The following HR variants were observed in gnomAD, a reference collection of about 807,000 sequenced individuals.
HR encodes HR lysine demethylase and nuclear receptor corepressor.
Under a neutral mutation model 128.6 loss-of-function variants are expected in HR, and 83 were observed. The observed-to-expected ratio is 0.65, with a 90% CI of 0.54 to 0.77. HR has a LOEUF of 0.77. Among genes scored for constraint, HR ranks in the 30% least tolerant of loss-of-function variants. The pLI is 0.00. For synonymous variants in HR, 681 were observed against 658.2 expected, an observed-to-expected ratio of 1.03 and a Z score of -0.53; for missense variants, 1,490 against 1,574.6, an observed-to-expected ratio of 0.95 and a Z score of 0.91.
In HR at chr8:22,130,464, CGG is replaced by C. The variant is rs1827021653; in HGVS notation, c.-79_-78del. On this transcript the variant is annotated 5_prime_UTR_variant, in exon 1 of 19. It removes the in-frame stop codon of an upstream open reading frame in the 5' UTR. Transcript: ENST00000381418. ...CGGCCGGTCGCGGCGCGGGCGGTGG[CGG>C]TCGTCGTGGCCGGCACCGGGCGCCT... 6.6e-6 allele frequency: 1 copy of C among 152,208 alleles called. No individual in the cohort carries two copies. 9.4% of individuals were successfully genotyped at this position (152,208 alleles called of 1,614,324 possible).
Position 22,123,684 on chromosome 8 carries a change from C to G in HR, c.1880G>C (p.Arg627Pro), listed in dbSNP as rs555198344. 2.6e-6 allele frequency: 4 copies of G among 1,549,514 alleles called. No individual in the cohort carries two copies. The highest frequency in any genetic ancestry group is 3.5e-6 in the Non-Finnish European group (4 of 1,154,124). ...CSHRLCVACG[R>P]VAGTGRAREK... is the part of the protein sequence containing the mutation. ...CCTGGCCCGCCCAGTGCCTGCCACA[C>G]GACCACAGGCCACACACAGCCGGTG... Residue 627 changes from arginine (R) to proline (P), a missense_variant, in exon 6 of 19, where the codon CGT (arginine) becomes CCT (proline). Coordinates refer to ENST00000381418, the MANE Select transcript of HR (RefSeq NM_005144.5).
chr8:22,123,617 T>TTGGGGGGGGCCCC, intron 6 of HR, 32 bp downstream of exon 6: 3 of 292,092 alleles, frequency 1.0e-5, no homozygotes, highest in Non-Finnish European at 1.9e-5. Context: ...GAGGGCTCCA[T>TTGGGGGGGGCCCC]CCCGCCCTCC....
intron 3 of HR, 120 bp from the exon 4 acceptor site, chr8:22,125,852 T>G (rs1240452634): frequency 2.6e-6 from 3 of 1,169,164 alleles, no homozygotes; most frequent in Non-Finnish European, 3.6e-6. Context: ...GCCCCAGGTC[T>G]CTGAAGCCTA....
At position 22,115,271 on chromosome 8, in the gene HR, T is replaced by G. The variant is rs1317345959; in HGVS notation, c.*429A>C. ...TTCAGCATGCCTGCAGTGAGCCCAG[T>G]GAGGATGCGGTGGTAGAAACGGAGC... On this transcript the variant is annotated 3_prime_UTR_variant, in exon 19 of 19. Transcript: ENST00000381418. 1.2e-4 allele frequency: 35 copies of G among 287,866 alleles called. No individual in the cohort carries two copies. In the Admixed American group the frequency reaches 1.5e-3, roughly 12 times the overall value. 17.8% of individuals were successfully genotyped at this position (287,866 alleles called of 1,614,324 possible). A position where few individuals can be genotyped will look rare whatever the true frequency, so the allele number is the denominator to read the frequency against.
At chr8:22,123,617 T>TGGGGGGCCCCCCCCCCC in intron 6 of HR, 32 bp downstream of exon 6, 2 of 292,092 alleles carry the variant, frequency 6.8e-6, no homozygotes, top group Non-Finnish European at 1.2e-5. Context: ...GAGGGCTCCA[T>TGGGGGGCCCCCCCCCCC]CCCGCCCTCC....
At chr8:22,121,387 C>T (rs899830500) in intron 9 of HR, among the ~76,000 whole-genome samples, 159 bp from the exon 10 acceptor site, 1 of 152,166 alleles carries the variant, frequency 6.6e-6, no homozygotes, top group African/African-American at 2.4e-5. Flanking sequence ...CCCCGCTCTA[C>T]TGCTTTTCCT....
intron 1 of HR, among the ~76,000 whole-genome samples, chr8:22,129,965 A>G (rs1827007563): frequency 6.6e-6 from 1 of 152,152 alleles, no homozygotes; most frequent in South Asian, 2.1e-4. Flanking sequence ...GGGATTAAGA[A>G]GCCTCAGCTG....
intron 18 of HR, 126 bp from the exon 19 acceptor site, chr8:22,115,888 T>C (rs1018388129): frequency 1.8e-5 from 17 of 934,250 alleles, no homozygotes; most frequent in Non-Finnish European, 2.9e-5. Context: ...CCCAGCACTT[T>C]GGGAGGCCAA....
At position 22,129,062 on chromosome 8, in the gene HR, G is replaced by T; in HGVS notation, c.109C>A (p.His37Asn). Residue 37 changes from histidine (H) to asparagine (N), a missense_variant, in exon 2 of 19, where the codon CAC becomes AAC. His to Asn is a moderately conservative substitution (Grantham distance 68). Around this residue, in one of 3 missense-constraint regions of HR, gnomAD observed 1,060 missense variants for 1,060.9 expected, o/e 1.00. Coordinates refer to ENST00000381418, the MANE Select transcript of HR (RefSeq NM_005144.5). Reference sequence around the variant, plus strand: ...TCTCCCAGGCACAGCGGCCCATGGTGCAGTCCATCTCGAGGCGGGCTGCCG... The same window carrying T: ...TCTCCCAGGCACAGCGGCCCATGGTTCAGTCCATCTCGAGGCGGGCTGCCG... ...EPGSPPRDGL[H>N]HGPLCLGEPA... 1 of 1,590,636 alleles carries T rather than the reference G, an allele frequency of 6.3e-7. No homozygotes were observed. Among genetic ancestry groups the T allele is most frequent in the Non-Finnish European group, 8.6e-7 (1 of 1,168,056 alleles).
In HR at chr8:22,127,689, C is replaced by G; in HGVS notation, c.753G>C (p.Arg251Ser). ...GCCGGCCAGCTCCCATCTCTCCATC[C>G]CTCTGGTGCAGTGAAGGGCGTTCGG... ...GEAERPSLHQ[R>S]DGEMGAGRQQ... The change falls in exon 3 of 19, where the codon AGG becomes AGC. Residue 251 changes from arginine (R) to serine (S), a missense_variant. By Grantham distance (110) the Arg-to-Ser change is moderately radical. Around this residue, in one of 3 missense-constraint regions of HR, gnomAD observed 1,060 missense variants for 1,060.9 expected, o/e 1.00. Transcript: ENST00000381418. The G allele has an allele frequency of 6.2e-7, 1 of 1,609,964 alleles. No individual in the cohort carries two copies. Among genetic ancestry groups the G allele is most frequent in the Non-Finnish European group, 8.5e-7 (1 of 1,179,864 alleles).
Position 22,121,085 on chromosome 8 carries a change from CG to C in HR, c.2346del (p.Val783SerfsTer119). 1 of 1,613,706 alleles carries C rather than the reference CG, an allele frequency of 6.2e-7. No individual in the cohort carries two copies. The highest frequency in any genetic ancestry group is 8.5e-7 in the Non-Finnish European group (1 of 1,180,040). On this transcript the variant is annotated frameshift_variant, in exon 10 of 19. Transcript: ENST00000381418. LOFTEE classifies it high-confidence loss of function. ...GHERIHMAFA[P>X]VTPALPSDDR... ...CTCACACTGGGCAGGGCCGGAGTGA[CG>C]GGGGCGAAGGCCATGTGTATTCGCT...
Position 22,127,621 on chromosome 8 carries a change from A to G in HR, c.821T>C (p.Val274Ala). 1.2e-6 allele frequency: 2 copies of G among 1,610,778 alleles called. No homozygotes were observed. The highest frequency in any genetic ancestry group is 1.7e-6 in the Non-Finnish European group (2 of 1,179,344). The stretch of plus-strand genomic sequence containing the variant: ...ACAAGCGGGCCAGGAGGTCCAGGGC[A>G]CAGTGTCTGGCTGCCCCAGGAAGAG... ...CPLFLGQPDT[V>A]PWTSWPACPP... The change falls in exon 3 of 19, where the codon GTG becomes GCG. Residue 274 changes from valine (V) to alanine (A), a missense_variant. Transcript: ENST00000381418.
chr8:22,125,427 C>T lies in HR; in HGVS notation c.1634G>A (p.Gly545Asp), dbSNP rs1826860730. The T allele has an allele frequency of 1.2e-6, 2 of 1,613,022 alleles. No homozygotes were observed. The highest frequency in any genetic ancestry group is 1.7e-6 in the Non-Finnish European group (2 of 1,179,976). Residue 545 changes from glycine (G) to aspartate (D), a missense_variant, in exon 5 of 19, where the codon GGC becomes GAC. This residue lies in a region of HR where 1,060 missense variants were observed against 1,060.9 expected (regional missense o/e 1.00). Transcript: ENST00000381418. ...GCCTGTGCTGAGCCGGCTGTCAGGG[C>T]CGGACCCTGGGCCTTCCTCAGAGCT... ...NSSSEEGPGS[G>D]PDSRLSTGLA...
Position 22,128,805 on chromosome 8 carries a change from CA to C in HR, c.365del (p.Leu122ArgfsTer46). On this transcript the variant is annotated frameshift_variant, in exon 2 of 19. Coordinates refer to ENST00000381418, the MANE Select transcript of HR (RefSeq NM_005144.5). LOFTEE classifies it high-confidence loss of function. Reference sequence around the variant, plus strand: ...GATGGCCACCACTATGCTCAGGCATCAGGGGGCCACAGCGAGGTGGGCACGC... The same window carrying C: ...GATGGCCACCACTATGCTCAGGCATCGGGGGCCACAGCGAGGTGGGCACGC... The part of the protein sequence containing the change: ...GPACPPRCGP[L>X]MPEHSGGHLK... 2 of 1,612,786 alleles carry C rather than the reference CA, an allele frequency of 1.2e-6. No homozygotes were observed. Among genetic ancestry groups the C allele is most frequent in the Non-Finnish European group, 8.5e-7 (1 of 1,179,782 alleles).
intron 8 of HR, among the ~76,000 whole-genome samples, chr8:22,122,123 G>A (rs187369201): frequency 1.4e-4 from 22 of 152,306 alleles, no homozygotes; most frequent in Non-Finnish European, 2.1e-4. Context: ...CACATTGAGC[G>A]CCTGCTAGGT....
Position 22,128,546 on chromosome 8 carries a change from C to T in HR, c.612+13G>A. ...GCCAGAGCCACAGGTACCCTCTCTG[C>T]CCCTGCACTCACCTTGCTGCCTAAG... is the stretch of plus-strand genomic sequence containing the variant. On this transcript the variant is annotated intron_variant, in intron 2 of 18. Transcript: ENST00000381418. The T allele has an allele frequency of 1.2e-6, 2 of 1,611,490 alleles. No individual in the cohort carries two copies. The highest frequency in any genetic ancestry group is 2.2e-5 in the South Asian group (2 of 90,448).
chr8:22,123,849 A>C lies in HR; in HGVS notation c.1751-36T>G, dbSNP rs767994467. On this transcript the variant is annotated intron_variant, in intron 5 of 18. Transcript: ENST00000381418. ...CGGAGAGAACAGGGTCAGAGGGTGA[A>C]GGCAACAGGCCCCAATGGAAGGCTT... The C allele has an allele frequency of 4.4e-6, 7 of 1,575,142 alleles. No homozygotes were observed. In the Admixed American group the frequency reaches 1.3e-4, roughly 28 times the overall value.
intron 6 of HR, 30 bp downstream of exon 6, chr8:22,123,619 C>CG: frequency 4.4e-6 from 1 of 229,356 alleles, no homozygotes; most frequent in Non-Finnish European, 8.6e-6. Flanking sequence ...GGGCTCCATC[C>CG]CGCCCTCCCA....
chr8:22,119,722 T>A, intron 14 of HR, 38 bp downstream of exon 14: 2 of 1,577,878 alleles, frequency 1.3e-6, no homozygotes, highest in Non-Finnish European at 1.7e-6. Flanking sequence ...CAGACAGGCA[T>A]GGGAGTAGAG....
Sources: gnomAD v4.1 joint callset for allele counts (sites outside exome capture counted in the v4.1 genomes callset) on GRCh38, gnomAD v4.1.1 for gene constraint, gnomAD v4.1.1 regional missense constraint, MANE v1.5 for transcripts, NCBI Gene and HGNC (gene_info 2026-07-23, HGNC 2026-07-21) for gene names.